Variants in GNGT1 observed in about 807,000 individuals in gnomAD.
GNGT1 encodes the protein guanine nucleotide-binding protein G(T) subunit gamma-T1.
In GNGT1, 4 loss-of-function variants were observed where a neutral mutation model predicts 7.4. That is an observed-to-expected ratio of 0.54 (90% CI 0.27 to 1.24). The LOEUF is 1.24. Among genes scored for constraint, GNGT1 ranks in the 50% most tolerant of loss-of-function variants. GNGT1 has a pLI of 0.12. For missense variants in GNGT1, 95 were observed against 82.4 expected (o/e 1.15, Z -0.59); for synonymous variants, 37 against 30.2 (o/e 1.23, Z -0.74).
chr7:93,907,809 T>C lies in GNGT1; in HGVS notation c.96+967T>C, dbSNP rs146092403. ...AAACTGGGATTTTGGGCTTCGTCTA[T>C]GTTTATAATAATCTCAAACTCCCCT... On this transcript the variant is annotated intron_variant, in intron 2 of 2. Coordinates refer to ENST00000248572, the MANE Select transcript of GNGT1 (RefSeq NM_021955.5). 4.7e-3 allele frequency among the ~76,000 whole-genome samples: 713 copies of C among 152,298 alleles called. 2 individuals carry two copies. Among genetic ancestry groups the C allele is most frequent in the Middle Eastern group, 6.8e-3 (2 of 294 alleles).
chr7:93,907,876 A>T (rs1412366248), intron 2 of GNGT1, among the ~76,000 whole-genome samples: 1 of 152,222 alleles, frequency 6.6e-6, no homozygotes, highest in Non-Finnish European at 1.5e-5. Flanking sequence ...CTGTAAAGAT[A>T]AAATTAAATC....
At position 93,911,014 on chromosome 7, in the gene GNGT1, G is replaced by T; in HGVS notation, c.*96G>T. On this transcript the variant is annotated 3_prime_UTR_variant, in exon 3 of 3. Transcript: ENST00000248572. ...TTCTCATGCATACTATTACTACTAA[G>T]CATGTACGTGAATTTTTAAATTTAT... 2.6e-6 allele frequency: 2 copies of T among 758,610 alleles called. No homozygotes were observed. The highest frequency in any genetic ancestry group is 3.9e-6 in the Non-Finnish European group (2 of 516,628). 47.0% of individuals were successfully genotyped at this position (758,610 alleles called of 1,614,324 possible).
intron 2 of GNGT1, among the ~76,000 whole-genome samples, chr7:93,908,181 C>G (rs1794406153): frequency 6.6e-6 from 1 of 152,090 alleles, no homozygotes; most frequent in Non-Finnish European, 1.5e-5. Flanking sequence ...TTCAATGTCT[C>G]TCTGCTCTTG....
rs147350641 is a variant in GNGT1 at position 93,906,587 on chromosome 7, C to T, written c.-69C>T. On this transcript the variant is annotated 5_prime_UTR_variant, in exon 1 of 3. Transcript: ENST00000248572. ...TTGCTAGAATTGTTAAGAGAGAGAGCTCATATGAAATTGGTTATCGTGGGA... is the reference window on the plus strand; with the variant it reads ...TTGCTAGAATTGTTAAGAGAGAGAGTTCATATGAAATTGGTTATCGTGGGA... 42 of 595,542 alleles carry T rather than the reference C, an allele frequency of 7.1e-5. 1 individual carries two copies. In the East Asian group the frequency reaches 1.3e-3, roughly 18 times the overall value. 36.9% of individuals were successfully genotyped at this position (595,542 alleles called of 1,614,324 possible).
At chr7:93,907,377 A>G (rs753926535) in intron 2 of GNGT1, among the ~76,000 whole-genome samples, 4 of 152,158 alleles carry the variant, frequency 2.6e-5, no homozygotes, top group Non-Finnish European at 4.4e-5. Flanking sequence ...TATTGCTGCA[A>G]TACTTTAAGC....
At chr7:93,908,417 C>G (rs143631694) in intron 2 of GNGT1, among the ~76,000 whole-genome samples, 1 of 151,592 alleles carries the variant, frequency 6.6e-6, no homozygotes, top group African/African-American at 2.4e-5. Context: ...CAGCGTCTGG[C>G]GAGGGCCTGC....
chr7:93,909,674 C>A, intron 2 of GNGT1: 1 of 508,106 alleles, frequency 2.0e-6, no homozygotes, highest in Non-Finnish European at 3.5e-6. Flanking sequence ...TGTGAATCTG[C>A]AAGTATCATC....
intron 2 of GNGT1, chr7:93,909,667 G>A: frequency 1.6e-5 from 8 of 514,598 alleles, no homozygotes; most frequent in Non-Finnish European, 2.8e-5. Context: ...AAAGTTATGT[G>A]AATCTGCAAG....
intron 2 of GNGT1, among the ~76,000 whole-genome samples, chr7:93,909,152 T>A (rs1030169139): frequency 6.6e-6 from 1 of 152,190 alleles, no homozygotes; most frequent in African/African-American, 2.4e-5. Context: ...AGATTTGCAA[T>A]GACTATAAGT....
In GNGT1 at chr7:93,906,798, G is replaced by A. The variant is rs1399981962; in HGVS notation, c.52G>A (p.Glu18Lys). The A allele has an allele frequency of 2.5e-6, 4 of 1,605,712 alleles. No individual in the cohort carries two copies. The highest frequency in any genetic ancestry group is 3.4e-6 in the Non-Finnish European group (4 of 1,176,050). The change falls in exon 2 of 3, where the codon GAA (glutamate) becomes AAA (lysine). Residue 18 changes from glutamate (E) to lysine (K), a missense_variant. Transcript: ENST00000248572. ...DLTEKDKLKM[E>K]VDQLKKEVTL... ...GACAGAAAAGGACAAATTGAAGATGGAAGTTGACCAGCTCAAGAAAGAAGT... is the reference window on the plus strand; with the variant it reads ...GACAGAAAAGGACAAATTGAAGATGAAAGTTGACCAGCTCAAGAAAGAAGT...
At chr7:93,906,935 G>A in intron 2 of GNGT1, 93 bp downstream of exon 2, 2 of 630,958 alleles carry the variant, frequency 3.2e-6, no homozygotes, top group Non-Finnish European at 5.4e-6. Context: ...GCTCAATGTA[G>A]TTACAAATAA....
chr7:93,908,470 T>C (rs1794411147), intron 2 of GNGT1, among the ~76,000 whole-genome samples: 1 of 151,908 alleles, frequency 6.6e-6, no homozygotes, highest in African/African-American at 2.4e-5. Flanking sequence ...TGTCCTCACC[T>C]GGTGATAGGG....
intron 2 of GNGT1, among the ~76,000 whole-genome samples, chr7:93,908,826 A>T (rs1219112383): frequency 6.6e-6 from 1 of 152,072 alleles, no homozygotes; most frequent in African/African-American, 2.4e-5. Flanking sequence ...CTCTGAAACC[A>T]TATTCCCAGC....
chr7:93,910,062 T>A (rs1794438345), intron 2 of GNGT1: 1 of 152,298 alleles, frequency 6.6e-6, no homozygotes. Flanking sequence ...CTACAAGGAA[T>A]GTTAAGTGGT....
rs571963650 is a variant in GNGT1, at chr7:93,906,725, T to C, written c.-11-11T>C. 4 of 1,441,414 alleles carry C rather than the reference T, an allele frequency of 2.8e-6. No homozygotes were observed. Among genetic ancestry groups the C allele is most frequent in the East Asian group, 2.3e-5 (1 of 42,948 alleles). 89.3% of individuals were successfully genotyped at this position (1,441,414 alleles called of 1,614,324 possible). A position where few individuals can be genotyped will look rare whatever the true frequency, so the allele number is the denominator to read the frequency against. On this transcript the variant is annotated splice_polypyrimidine_tract_variant and intron_variant, in intron 1 of 2. Coordinates refer to ENST00000248572, the MANE Select transcript of GNGT1 (RefSeq NM_021955.5). ...AATTCATGCATAGCTGCTAACCTTC[T>C]ACATCTTCAGCAGGCAAAAAGATGC...
rs79786664 is a variant in GNGT1 at position 93,911,022 on chromosome 7, G to A, written c.*104G>A. 19 of 719,804 alleles carry A rather than the reference G, an allele frequency of 2.6e-5. No individual in the cohort carries two copies. The highest frequency in any genetic ancestry group is 3.7e-5 in the Admixed American group (1 of 26,988). 44.6% of individuals were successfully genotyped at this position (719,804 alleles called of 1,614,324 possible). On this transcript the variant is annotated 3_prime_UTR_variant, in exon 3 of 3. Coordinates refer to ENST00000248572, the MANE Select transcript of GNGT1 (RefSeq NM_021955.5). ...CATACTATTACTACTAAGCATGTAC[G>A]TGAATTTTTAAATTTATAGATGTAA...
At chr7:93,906,899 C>G in intron 2 of GNGT1, 57 bp downstream of exon 2, 1 of 968,376 alleles carries the variant, frequency 1.0e-6, no homozygotes, top group Non-Finnish European at 1.6e-6. Context: ...GTGGGAGTAC[C>G]AGGTTAGAAA....
intron 2 of GNGT1, among the ~76,000 whole-genome samples, chr7:93,908,683 T>G (rs1008891481): frequency 6.6e-6 from 1 of 151,216 alleles, no homozygotes; most frequent in Non-Finnish European, 1.5e-5. Flanking sequence ...TGTTATATTA[T>G]ATATAAAATG....
intron 2 of GNGT1, among the ~76,000 whole-genome samples, chr7:93,908,131 A>G (rs1794405282): frequency 5.3e-5 from 8 of 152,292 alleles, no homozygotes; most frequent in Admixed American, 4.6e-4. Context: ...CATCGCATAC[A>G]TCATCATTAA....
Sources: gnomAD v4.1 joint callset for allele counts (sites outside exome capture counted in the v4.1 genomes callset) on GRCh38, gnomAD v4.1.1 for gene constraint, MANE v1.5 for transcripts, NCBI Gene and HGNC (gene_info 2026-07-23, HGNC 2026-07-21) for gene names.